SETBP1: variants seen among roughly 807,000 people sequenced by gnomAD.
SETBP1 encodes SET-binding protein.
Under a neutral mutation model 101.0 loss-of-function variants are expected in SETBP1, and 9 were observed. The ratio of observed to expected loss-of-function variants is 0.09; its 90% CI spans 0.05 to 0.16. SETBP1 has a LOEUF of 0.16. Among genes scored for constraint, SETBP1 ranks in the 10% least tolerant of loss-of-function variants. The probability of loss-of-function intolerance (pLI) is 1.00; values close to 1 mark genes in which losing one functional copy is unlikely to be tolerated. For missense variants in SETBP1, 1,858 were observed against 2,033.8 expected (o/e 0.91, Z 1.66); for synonymous variants, 818 against 788.5 (o/e 1.04, Z -0.63).
chr18:44,938,799 G>A (rs989822960), intron 3 of SETBP1, among the ~76,000 whole-genome samples: 2 of 152,110 alleles, frequency 1.3e-5, no homozygotes, highest in Admixed American at 6.5e-5. Context: ...TTCTTGATTC[G>A]GGCTCTATTG....
intron 2 of SETBP1, among the ~76,000 whole-genome samples, chr18:44,782,624 G>C (rs11665106): frequency 6.6e-6 from 1 of 151,858 alleles, no homozygotes; most frequent in Admixed American, 6.6e-5. Context: ...AAAAACCTGG[G>C]ATGGTTCCAA....
At chr18:44,913,275 A>G (rs753163432) in intron 3 of SETBP1, among the ~76,000 whole-genome samples, 1 of 152,208 alleles carries the variant, frequency 6.6e-6, no homozygotes, top group Admixed American at 6.5e-5. Context: ...ATGGAAGTAC[A>G]GGGGCAAGCA....
At chr18:44,697,964 C>CTG (rs1336868055) in intron 1 of SETBP1, among the ~76,000 whole-genome samples, 1 of 152,218 alleles carries the variant, frequency 6.6e-6, no homozygotes, top group African/African-American at 2.4e-5. Flanking sequence ...AGAACAGATT[C>CTG]TGTGTATTTT....
At chr18:44,824,013 A>G (rs1371404534) in intron 2 of SETBP1, among the ~76,000 whole-genome samples, 1 of 152,190 alleles carries the variant, frequency 6.6e-6, no homozygotes, top group Non-Finnish European at 1.5e-5. Context: ...CAGTGTCTTG[A>G]CAGGAGACAT....
rs150665941 is a variant in SETBP1, at chr18:44,951,896, G to A, written c.2556G>A (p.Thr852=). 9.9e-6 allele frequency: 16 copies of A among 1,613,760 alleles called. No homozygotes were observed. The highest frequency in any genetic ancestry group is 4.0e-5 in the African/African-American group (3 of 74,812). Residue 852 remains threonine, a synonymous_variant, in exon 4 of 6, where the codon ACG becomes ACA. Coordinates refer to ENST00000649279, the MANE Select transcript of SETBP1 (RefSeq NM_015559.3). The surrounding 1 kb of genome is among the most constrained non-coding windows in gnomAD (Gnocchi z 7.8). ...AGATTGGCTCCCTAAAGGAAATCAC[G>A]CTGTCCCCTGTGAGCGAGTCCCACA... ...LCEIGSLKEI[T]LSPVSESHSE...
At chr18:44,762,377 GT>G (rs1451849680) in intron 2 of SETBP1, among the ~76,000 whole-genome samples, 2 of 152,166 alleles carry the variant, frequency 1.3e-5, no homozygotes, top group African/African-American at 4.8e-5. Flanking sequence ...GCACATACAG[GT>G]TTACATTTTG....
At chr18:44,920,009 T>C (rs1363156420) in intron 3 of SETBP1, among the ~76,000 whole-genome samples, 1 of 152,216 alleles carries the variant, frequency 6.6e-6, no homozygotes, top group African/African-American at 2.4e-5. Flanking sequence ...TCTTAGGTCA[T>C]TTTGTGCTTT....
intron 2 of SETBP1, among the ~76,000 whole-genome samples, chr18:44,834,209 C>T (rs1006035035): frequency 3.3e-5 from 5 of 152,198 alleles, no homozygotes; most frequent in African/African-American, 1.2e-4. Context: ...CCTTCAGTTT[C>T]ACCTTGCACA....
At chr18:44,970,746 T>C (rs1242525387) in intron 4 of SETBP1, among the ~76,000 whole-genome samples, 2 of 152,186 alleles carry the variant, frequency 1.3e-5, no homozygotes, top group Non-Finnish European at 2.9e-5. Context: ...AGACAGGGTT[T>C]CACCATGTTG....
intron 4 of SETBP1, among the ~76,000 whole-genome samples, chr18:44,980,429 G>T (rs778135292): frequency 4.0e-5 from 6 of 151,788 alleles, no homozygotes; most frequent in South Asian, 2.1e-4. Context: ...TTAGAGGAAA[G>T]CTTAGAGGTC....
At chr18:44,825,496 T>C (rs910488369) in intron 2 of SETBP1, among the ~76,000 whole-genome samples, 10 of 152,258 alleles carry the variant, frequency 6.6e-5, no homozygotes, top group African/African-American at 2.2e-4. Flanking sequence ...TAATATTTTT[T>C]AAGAGCAGTT....
At chr18:44,956,333 G>A (rs920859475) in intron 4 of SETBP1, among the ~76,000 whole-genome samples, 1 of 152,046 alleles carries the variant, frequency 6.6e-6, no homozygotes, top group African/African-American at 2.4e-5. Flanking sequence ...TCCCTGAAGA[G>A]CATTCACCTT....
intron 5 of SETBP1, among the ~76,000 whole-genome samples, chr18:45,057,669 C>T (rs1192002320): frequency 1.2e-4 from 19 of 152,206 alleles, no homozygotes; most frequent in Non-Finnish European, 1.6e-4. Context: ...GCAGTTCAGC[C>T]TTCCTCAACA....
intron 5 of SETBP1, among the ~76,000 whole-genome samples, chr18:45,046,188 A>C (rs1409272588): frequency 1.3e-5 from 2 of 152,222 alleles, no homozygotes; most frequent in Non-Finnish European, 2.9e-5. Flanking sequence ...CCTAGCACCG[A>C]GGTGGGCAAA....
At chr18:44,753,372 A>G (rs1334005761) in intron 2 of SETBP1, among the ~76,000 whole-genome samples, 1 of 152,232 alleles carries the variant, frequency 6.6e-6, no homozygotes, top group Non-Finnish European at 1.5e-5. Context: ...GGGAAACATC[A>G]TTTTAAGGAG....
intron 4 of SETBP1, among the ~76,000 whole-genome samples, chr18:45,005,643 CTTTT>C (rs11301319): frequency 3.4e-5 from 4 of 116,218 alleles, no homozygotes; most frequent in Non-Finnish European, 6.9e-5. Context: ...TAAAATCTTC[CTTTT>C]TTTTTTTTTT....
intron 2 of SETBP1, among the ~76,000 whole-genome samples, chr18:44,729,748 G>A (rs2069793378): frequency 6.6e-6 from 1 of 152,208 alleles, no homozygotes; most frequent in Non-Finnish European, 1.5e-5. Context: ...TCTTAGAGCT[G>A]TGGAGAGATC....
intron 2 of SETBP1, 82 bp from the exon 3 acceptor site, chr18:44,869,148 G>A (rs1271468759): frequency 8.8e-5 from 106 of 1,210,402 alleles, no homozygotes; most frequent in Non-Finnish European, 1.2e-4. Flanking sequence ...GCTATGGTAA[G>A]TCCATTGCTG....
intron 3 of SETBP1, among the ~76,000 whole-genome samples, chr18:44,935,666 AC>A (rs1251481852): frequency 6.6e-6 from 1 of 152,198 alleles, no homozygotes; most frequent in Non-Finnish European, 1.5e-5. Context: ...CCAACCCAGA[AC>A]AATGACTCCA....
Sources: gnomAD v4.1 joint callset for allele counts (sites outside exome capture counted in the v4.1 genomes callset) on GRCh38, gnomAD v4.1.1 for gene constraint, Gnocchi (gnomAD v3.1) non-coding constraint, MANE v1.5 for transcripts, NCBI Gene and HGNC (gene_info 2026-07-23, HGNC 2026-07-21) for gene names.